NAMPT: variants seen among roughly 807,000 people sequenced by gnomAD.
NAMPT encodes the protein NAmPRTase.
A neutral mutation model predicts 58.7 loss-of-function variants in NAMPT; 7 were observed. That is an observed-to-expected ratio of 0.12 (90% CI 0.07 to 0.22). The LOEUF (loss-of-function observed/expected upper bound fraction) is 0.22. Among genes scored for constraint, NAMPT ranks in the 10% least tolerant of loss-of-function variants. The pLI is 1.00. For missense variants in NAMPT, 271 were observed against 567.9 expected (o/e 0.48, Z 5.31); for synonymous variants, 145 against 198.1 (o/e 0.73, Z 2.25).
chr7:106,267,859 A>C (rs1420649798), intron 6 of NAMPT, among the ~76,000 whole-genome samples: 20 of 136,836 alleles, frequency 1.5e-4, no homozygotes, highest in African/African-American at 4.4e-4. Flanking sequence ...AAAAAAAAAA[A>C]AAAAAAAAAA....
At chr7:106,254,596 A>T (rs1310879291) in intron 8 of NAMPT, 92 bp from the exon 9 acceptor site, 25 of 1,371,894 alleles carry the variant, frequency 1.8e-5, no homozygotes, top group South Asian at 2.6e-5. Context: ...TGAATGAAGC[A>T]TCCAAGACTG....
At position 106,277,305 on chromosome 7, in the gene NAMPT, T is replaced by A. The variant is rs146944823; in HGVS notation, c.58-126A>T. ...TTCTTGTTTGCTATTAACCAGTTTC[T>A]TTTCCTGGCTATACCAAATAAAAAA... On this transcript the variant is annotated intron_variant, in intron 1 of 10. Transcript: ENST00000222553. 1.2e-3 allele frequency: 938 copies of A among 757,868 alleles called. 6 individuals are homozygous for A. The African/African-American group carries it at 0.015, about 12-fold the overall frequency. The allele number at this position is 757,868 out of a possible 1,614,324, so 46.9% of individuals were successfully genotyped here. A position where few individuals can be genotyped will look rare whatever the true frequency, so the allele number is the denominator to read the frequency against.
At chr7:106,257,156 AG>A (rs1218831520) in intron 8 of NAMPT, among the ~76,000 whole-genome samples, 18 of 151,916 alleles carry the variant, frequency 1.2e-4, no homozygotes, top group Non-Finnish European at 4.4e-5. Context: ...AAAAAAAAAA[AG>A]AGAAAAAGAT....
upstream of NAMPT, chr7:106,285,885 C>A (rs9770242): frequency 0.79 from 120,053 of 152,160 alleles, 47,595 homozygotes; most frequent in East Asian, 1. Flanking sequence ...CAGGGTGCGA[C>A]ACTGACTTTT....
intron 10 of NAMPT, among the ~76,000 whole-genome samples, chr7:106,252,006 C>T (rs1346147210): frequency 6.6e-6 from 1 of 152,008 alleles, no homozygotes; most frequent in Non-Finnish European, 1.5e-5. Flanking sequence ...TTGCTTCAAA[C>T]CACAGTGCTT....
intron 3 of NAMPT, among the ~76,000 whole-genome samples, chr7:106,274,710 C>T (rs1207271009): frequency 6.6e-6 from 1 of 152,020 alleles, no homozygotes; most frequent in African/African-American, 2.4e-5. Context: ...CAAAAATTAG[C>T]CAGGTGTGGT....
intron 7 of NAMPT, 147 bp from the exon 8 acceptor site, chr7:106,261,854 C>G: frequency 1.2e-6 from 1 of 805,696 alleles, no homozygotes; most frequent in Non-Finnish European, 1.9e-6. Flanking sequence ...TATATGCTCT[C>G]TAAAATTTGG....
intron 6 of NAMPT, among the ~76,000 whole-genome samples, chr7:106,267,685 C>T (rs530167706): frequency 1.4e-3 from 211 of 150,170 alleles, no homozygotes; most frequent in Admixed American, 2.6e-3. Context: ...ACTAAAAATA[C>T]AAAAAATTAG....
chr7:106,283,748 A>G (rs1792809270), intron 1 of NAMPT, among the ~76,000 whole-genome samples: 1 of 152,244 alleles, frequency 6.6e-6, no homozygotes, highest in Non-Finnish European at 1.5e-5. Flanking sequence ...TATCATAAAC[A>G]GCATTTTAAG....
intron 8 of NAMPT, among the ~76,000 whole-genome samples, chr7:106,257,340 G>A (rs1229029534): frequency 6.6e-6 from 1 of 151,820 alleles, no homozygotes; most frequent in African/African-American, 2.4e-5. Flanking sequence ...ATACAGGCTG[G>A]GAATGGTGGC....
intron 8 of NAMPT, among the ~76,000 whole-genome samples, chr7:106,255,563 T>G (rs1792185310): frequency 6.6e-6 from 1 of 152,232 alleles, no homozygotes; most frequent in Non-Finnish European, 1.5e-5. Flanking sequence ...CCAAGCAACT[T>G]CATTTTTAAA....
rs41276166 is a variant in NAMPT, at chr7:106,253,258, G to A, written c.1231-107C>T. ...TACATAATTTACATTTAAGTTTTAAGCACTTAATAGGTATAACTGAACCAA... is the reference window on the plus strand; with the variant it reads ...TACATAATTTACATTTAAGTTTTAAACACTTAATAGGTATAACTGAACCAA... On this transcript the variant is annotated intron_variant, in intron 9 of 10. Transcript: ENST00000222553. 4,360 of 1,204,050 alleles carry A rather than the reference G, an allele frequency of 3.6e-3. 38 individuals are homozygous for A. The highest frequency in any genetic ancestry group is 0.021 in the South Asian group (1,377 of 66,118). The allele number at this position is 1,204,050 out of a possible 1,614,324, so 74.6% of individuals were successfully genotyped here.
intron 9 of NAMPT, chr7:106,253,483 CAGTA>C (rs1292090645): frequency 1.3e-5 from 3 of 231,310 alleles, no homozygotes; most frequent in Non-Finnish European, 2.6e-5. Flanking sequence ...TTTAAACTGA[CAGTA>C]AGCACAGCAT....
chr7:106,276,132 G>C (rs888767066), intron 2 of NAMPT: 2 of 152,162 alleles, frequency 1.3e-5, no homozygotes, highest in African/African-American at 4.8e-5. Context: ...AAGACTATCT[G>C]AACTGCCTAA....
chr7:106,278,655 A>C (rs1311783674), intron 1 of NAMPT, among the ~76,000 whole-genome samples: 1 of 152,250 alleles, frequency 6.6e-6, no homozygotes, highest in Non-Finnish European at 1.5e-5. Context: ...ATGAGTCTGT[A>C]GTAATAAATA....
chr7:106,257,039 G>A (rs745552502), intron 8 of NAMPT, among the ~76,000 whole-genome samples: 3 of 151,906 alleles, frequency 2.0e-5, no homozygotes, highest in Admixed American at 6.6e-5. Context: ...AGCCGGGCGT[G>A]GTGGCACACG....
rs546942751 is a variant in NAMPT at position 106,284,815 on chromosome 7, C to G, written c.57+13G>C. The stretch of plus-strand genomic sequence containing the variant: ...CCCCGCTCCTCCTCATCTGCCCGGG[C>G]CCCGAGCTTTACCTTGTAGGAGTCG... On this transcript the variant is annotated intron_variant, in intron 1 of 10. Coordinates refer to ENST00000222553, the MANE Select transcript of NAMPT (RefSeq NM_005746.3). 1 of 1,511,114 alleles carries G rather than the reference C, an allele frequency of 6.6e-7. No homozygotes were observed. The highest frequency in any genetic ancestry group is 8.9e-7 in the Non-Finnish European group (1 of 1,122,690). 93.6% of individuals were successfully genotyped at this position (1,511,114 alleles called of 1,614,324 possible).
intron 6 of NAMPT, among the ~76,000 whole-genome samples, chr7:106,266,998 C>G (rs1186917169): frequency 1.3e-5 from 2 of 152,228 alleles, no homozygotes; most frequent in East Asian, 3.8e-4. Context: ...CCCTTATTCT[C>G]TAAACATTCT....
chr7:106,279,746 TGAA>T (rs1381565643), intron 1 of NAMPT, among the ~76,000 whole-genome samples: 3 of 152,078 alleles, frequency 2.0e-5, no homozygotes, highest in African/African-American at 7.2e-5. Flanking sequence ...TAATAAGGGC[TGAA>T]GAAGGAAGAA....
Sources: gnomAD v4.1 joint callset for allele counts (sites outside exome capture counted in the v4.1 genomes callset) on GRCh38, gnomAD v4.1.1 for gene constraint, MANE v1.5 for transcripts, NCBI Gene and HGNC (gene_info 2026-07-23, HGNC 2026-07-21) for gene names.